Variants in BBS9 observed in about 807,000 individuals in gnomAD.
The protein encoded by BBS9 is protein PTHB1.
BBS9 carries 89 observed loss-of-function variants against 117.7 expected under a neutral mutation model. The ratio of observed to expected loss-of-function variants is 0.76; its 90% CI spans 0.64 to 0.90. The LOEUF is 0.90. BBS9 is among the 40% of genes least tolerant of loss of function. The pLI, the probability that BBS9 is intolerant of heterozygous loss-of-function variation, is 0.00. For synonymous variants in BBS9, 379 were observed against 370.9 expected, an observed-to-expected ratio of 1.02 and a Z score of -0.25; for missense variants, 982 against 1,042.2, an observed-to-expected ratio of 0.94 and a Z score of 0.80.
At chr7:33,519,029 C>A (rs1848225581) in intron 20 of BBS9, among the ~76,000 whole-genome samples, 1 of 151,316 alleles carries the variant, frequency 6.6e-6, no homozygotes, top group Non-Finnish European at 1.5e-5. Context: ...ATAGCCATGT[C>A]TTAAAATAGT....
intron 19 of BBS9, among the ~76,000 whole-genome samples, chr7:33,420,755 C>G (rs567522410): frequency 3.3e-5 from 5 of 152,252 alleles, no homozygotes; most frequent in Admixed American, 3.3e-4. Flanking sequence ...TCATTCCAGA[C>G]TTTTCTTTCC....
intron 19 of BBS9, among the ~76,000 whole-genome samples, chr7:33,396,430 A>G (rs907362346): frequency 6.6e-6 from 1 of 152,206 alleles, no homozygotes; most frequent in African/African-American, 2.4e-5. Context: ...AATGAAATAG[A>G]TGTGTCTATA....
At chr7:33,230,764 G>A (rs561675386) in intron 5 of BBS9, among the ~76,000 whole-genome samples, 51 of 152,170 alleles carry the variant, frequency 3.4e-4, no homozygotes, top group Non-Finnish European at 6.5e-4. Flanking sequence ...TGTTCTTTAT[G>A]ACTGAGTAGT....
chr7:33,386,481 T>C (rs1182092667), intron 18 of BBS9, among the ~76,000 whole-genome samples: 1 of 149,854 alleles, frequency 6.7e-6, no homozygotes, highest in Non-Finnish European at 1.5e-5. Flanking sequence ...TATTTATTTA[T>C]TTATTTATTT....
chr7:33,481,491 A>G (rs1332299138), intron 19 of BBS9, among the ~76,000 whole-genome samples: 1 of 151,876 alleles, frequency 6.6e-6, no homozygotes, highest in Non-Finnish European at 1.5e-5. Context: ...GTAATATGAT[A>G]TTATATAATG....
At chr7:33,373,983 C>G (rs1259668011) in intron 17 of BBS9, among the ~76,000 whole-genome samples, 1 of 152,138 alleles carries the variant, frequency 6.6e-6, no homozygotes, top group African/African-American at 2.4e-5. Flanking sequence ...TCTTGGTAGA[C>G]AATACATTTA....
intron 5 of BBS9, among the ~76,000 whole-genome samples, chr7:33,207,645 A>C (rs780905047): frequency 4.1e-4 from 62 of 152,040 alleles, no homozygotes; most frequent in South Asian, 8.3e-4. Context: ...AGAGACCAAG[A>C]TATAGATGCT....
At chr7:33,456,125 C>T (rs1176600059) in intron 19 of BBS9, among the ~76,000 whole-genome samples, 1 of 152,096 alleles carries the variant, frequency 6.6e-6, no homozygotes, top group Non-Finnish European at 1.5e-5. Flanking sequence ...TTTGTTTAAT[C>T]ATAGAAATAA....
chr7:33,544,296 T>C (rs555521539), intron 21 of BBS9, among the ~76,000 whole-genome samples: 169 of 152,332 alleles, frequency 1.1e-3, no homozygotes, highest in African/African-American at 4.0e-3. Flanking sequence ...GTGTTGGTTT[T>C]CTGGTTCCTT....
intron 19 of BBS9, among the ~76,000 whole-genome samples, chr7:33,389,805 A>G (rs1826736108): frequency 6.6e-6 from 1 of 152,112 alleles, no homozygotes; most frequent in Non-Finnish European, 1.5e-5. Flanking sequence ...TGGAATTCAA[A>G]CACCGCAGTG....
intron 19 of BBS9, among the ~76,000 whole-genome samples, chr7:33,441,805 G>A (rs895171663): frequency 6.6e-5 from 10 of 152,026 alleles, no homozygotes; most frequent in African/African-American, 2.4e-4. Flanking sequence ...GAAAGTTTAG[G>A]ATGTGTTAAA....
chr7:33,468,360 A>T (rs1458567942), intron 19 of BBS9, among the ~76,000 whole-genome samples: 2 of 152,156 alleles, frequency 1.3e-5, no homozygotes, highest in Non-Finnish European at 2.9e-5. Context: ...TGAGTCCTTC[A>T]TTTCTGATCT....
Position 33,273,161 on chromosome 7 carries a change from T to C in BBS9, c.852T>C (p.Asp284=), listed in dbSNP as rs2128345148. 2.5e-6 allele frequency: 4 copies of C among 1,613,774 alleles called. No individual in the cohort carries two copies. The highest frequency in any genetic ancestry group is 1.3e-5 in the African/African-American group (1 of 75,032). The part of the protein sequence containing the change: ...NGQIRFMKKL[D]WSPSCFLPYC... ...AAATTCGATTCATGAAGAAGCTTGA[T>C]TGGAGCCCAAGTTGTTTTCTGCCAT... Residue 284 remains aspartate, a synonymous_variant, in exon 8 of 23, where the codon GAT becomes GAC. Coordinates refer to ENST00000242067, the MANE Select transcript of BBS9 (RefSeq NM_198428.3).
Position 33,240,630 on chromosome 7 carries a change from G to T in BBS9, c.443-16606G>T, listed in dbSNP as rs531318066. 1.3e-3 allele frequency among the ~76,000 whole-genome samples: 191 copies of T among 152,056 alleles called. 1 individual carries two copies. Among genetic ancestry groups the T allele is most frequent in the African/African-American group, 4.3e-3 (180 of 41,470 alleles). On this transcript the variant is annotated intron_variant, in intron 5 of 22. Transcript: ENST00000242067. ...TGAACTTTAAAAGATAGTTTATTGA[G>T]TTCCATGAAAAAAATTGTTTTAGAA...
At chr7:33,506,020 T>C (rs572588820) in intron 20 of BBS9, among the ~76,000 whole-genome samples, 1 of 152,340 alleles carries the variant, frequency 6.6e-6, no homozygotes, top group South Asian at 2.1e-4. Flanking sequence ...CTCAACCTTC[T>C]TAAATTTAAG....
At chr7:33,372,398 A>G (rs748607576) in intron 17 of BBS9, among the ~76,000 whole-genome samples, 1 of 152,152 alleles carries the variant, frequency 6.6e-6, no homozygotes, top group Non-Finnish European at 1.5e-5. Context: ...TTCTGCATCT[A>G]TTGAAATGAT....
intron 2 of BBS9, among the ~76,000 whole-genome samples, chr7:33,149,081 G>C (rs761816574): frequency 2.0e-5 from 3 of 152,158 alleles, no homozygotes; most frequent in Non-Finnish European, 2.9e-5. Flanking sequence ...AAGAAACTTA[G>C]CTGTGAATTG....
At chr7:33,533,695 A>G in intron 20 of BBS9, 2 of 520,940 alleles carry the variant, frequency 3.8e-6, no homozygotes, top group Admixed American at 3.2e-5. Flanking sequence ...TAGATCTCCA[A>G]CCCTTGGAGG....
At chr7:33,512,834 G>A (rs1289620667) in intron 20 of BBS9, among the ~76,000 whole-genome samples, 5 of 152,198 alleles carry the variant, frequency 3.3e-5, no homozygotes, top group Non-Finnish European at 5.9e-5. Context: ...CTGGCCCGCT[G>A]TTGTTCATTT....
Sources: allele counts gnomAD v4.1 joint callset (sites outside exome capture counted in the v4.1 genomes callset), GRCh38; gene constraint gnomAD v4.1.1; transcripts MANE v1.5; gene names NCBI Gene and HGNC (gene_info 2026-07-23, HGNC 2026-07-21).